CRIM1: variants seen among roughly 807,000 people sequenced by gnomAD.
CRIM1 encodes cysteine rich transmembrane BMP regulator 1, also known as cysteine-rich motor neuron 1 protein.
A neutral mutation model predicts 116.4 loss-of-function variants in CRIM1; 32 were observed. That is an observed-to-expected ratio of 0.27 (90% CI 0.21 to 0.37). The LOEUF is 0.37. Ranked by LOEUF, CRIM1 falls within the 10% of genes least tolerant of loss-of-function variation. The probability of loss-of-function intolerance (pLI) is 1.00; values close to 1 mark genes in which losing one functional copy is unlikely to be tolerated. For missense variants in CRIM1, 1,331 were observed against 1,354.8 expected, an observed-to-expected ratio of 0.98 and a Z score of 0.28; for synonymous variants, 590 against 509.2, an observed-to-expected ratio of 1.16 and a Z score of -2.13.
rs116420949 is a variant in CRIM1, at chr2:36,364,558, A to G, written c.331+7935A>G. ...AAGTTTAGTGGAGGATGCAGCAACA[A>G]GAAAGACCTGAGGGTCTCCTCTCCT... On this transcript the variant is annotated intron_variant, in intron 1 of 16. Coordinates refer to ENST00000280527, the MANE Select transcript of CRIM1 (RefSeq NM_016441.3). Among the ~76,000 whole-genome samples, 840 of 152,332 alleles carry G rather than the reference A, an allele frequency of 5.5e-3. 4 individuals are homozygous for G. Among genetic ancestry groups the G allele is most frequent in the South Asian group, 0.016 (79 of 4,826 alleles).
intron 5 of CRIM1, among the ~76,000 whole-genome samples, chr2:36,472,189 C>G (rs1484704447): frequency 6.6e-6 from 1 of 152,158 alleles, no homozygotes; most frequent in Non-Finnish European, 1.5e-5. Context: ...ATTATTTCTT[C>G]ATAACACTTT....
At chr2:36,425,626 T>C (rs1318504248) in intron 2 of CRIM1, among the ~76,000 whole-genome samples, 1 of 152,202 alleles carries the variant, frequency 6.6e-6, no homozygotes, top group African/African-American at 2.4e-5. Flanking sequence ...TAATTACAAA[T>C]TGAAAAATCC....
chr2:36,445,737 G>A (rs150039840), intron 4 of CRIM1, among the ~76,000 whole-genome samples: 1 of 151,938 alleles, frequency 6.6e-6, no homozygotes, highest in Non-Finnish European at 1.5e-5. Flanking sequence ...GGGATGATAG[G>A]TTGTACATTG....
intron 2 of CRIM1, among the ~76,000 whole-genome samples, chr2:36,427,437 G>A (rs4670557): frequency 0.28 from 42,378 of 151,992 alleles, 6,111 homozygotes; most frequent in South Asian, 0.4. Flanking sequence ...GAGAAGCACT[G>A]TTTGAACTGT....
intron 2 of CRIM1, among the ~76,000 whole-genome samples, chr2:36,406,049 T>TC (rs1295598948): frequency 6.6e-6 from 1 of 152,220 alleles, no homozygotes; most frequent in Middle Eastern, 3.2e-3. Context: ...ATTATATTGA[T>TC]CTCCTGTATG....
chr2:36,372,050 G>C (rs572234251), intron 1 of CRIM1, among the ~76,000 whole-genome samples: 29 of 152,306 alleles, frequency 1.9e-4, no homozygotes, highest in Admixed American at 1.5e-3. Flanking sequence ...TGTTCAATAT[G>C]TGAGTGCCAA....
chr2:36,522,773 G>T (rs1665487132), intron 13 of CRIM1, among the ~76,000 whole-genome samples: 1 of 143,452 alleles, frequency 7.0e-6, no homozygotes, highest in African/African-American at 2.6e-5. Flanking sequence ...CTGCACTCCA[G>T]CCTGGGTGAC....
rs115096745 is a variant in CRIM1, at chr2:36,392,442, T to G, written c.332-4172T>G. Among the ~76,000 whole-genome samples the G allele has an allele frequency of 6.1e-3, 913 of 148,462 alleles. 10 individuals carry two copies. Among genetic ancestry groups the G allele is most frequent in the African/African-American group, 0.022 (877 of 40,658 alleles). ...ATATAGTTAAAAACCAGTACCTCTGTTTTTAACTTTTTTTTTTTCCTGACC... is the reference window on the plus strand; with the variant it reads ...ATATAGTTAAAAACCAGTACCTCTGGTTTTAACTTTTTTTTTTTCCTGACC... On this transcript the variant is annotated intron_variant, in intron 1 of 16. Coordinates refer to ENST00000280527, the MANE Select transcript of CRIM1 (RefSeq NM_016441.3).
intron 4 of CRIM1, among the ~76,000 whole-genome samples, chr2:36,449,467 AG>A (rs897655419): frequency 6.6e-6 from 1 of 152,198 alleles, no homozygotes; most frequent in African/African-American, 2.4e-5. Flanking sequence ...ACCATTCCGT[AG>A]CTAAAGAATA....
At chr2:36,428,284 C>G (rs1256064287) in intron 2 of CRIM1, among the ~76,000 whole-genome samples, 1 of 152,220 alleles carries the variant, frequency 6.6e-6, no homozygotes, top group East Asian at 1.9e-4. Context: ...TTCTAAGTCA[C>G]TGTTTTCTTT....
intron 1 of CRIM1, among the ~76,000 whole-genome samples, chr2:36,387,714 A>C (rs1319322684): frequency 6.6e-6 from 1 of 152,218 alleles, no homozygotes; most frequent in Non-Finnish European, 1.5e-5. Context: ...TAAAACCTCA[A>C]AAGAGAAAGT....
At chr2:36,468,990 T>C (rs2125018958) in intron 5 of CRIM1, among the ~76,000 whole-genome samples, 1 of 152,316 alleles carries the variant, frequency 6.6e-6, no homozygotes, top group South Asian at 2.1e-4. Context: ...AATGAATTAG[T>C]CTATAGTATT....
chr2:36,390,036 A>C (rs563568936), intron 1 of CRIM1, among the ~76,000 whole-genome samples: 8 of 152,106 alleles, frequency 5.3e-5, no homozygotes, highest in African/African-American at 1.9e-4. Context: ...CTTCTCTCCA[A>C]CTAGCCTTTG....
At chr2:36,431,701 T>C (rs1674906467) in intron 2 of CRIM1, among the ~76,000 whole-genome samples, 1 of 152,186 alleles carries the variant, frequency 6.6e-6, no homozygotes, top group Non-Finnish European at 1.5e-5. Context: ...TCGGTCTTCC[T>C]TGAATGAGCA....
intron 7 of CRIM1, 134 bp downstream of exon 7, chr2:36,479,828 T>G: frequency 8.8e-6 from 7 of 795,428 alleles, no homozygotes; most frequent in Non-Finnish European, 1.5e-5. Flanking sequence ...GCCAACAAAT[T>G]TATCAAACAG....
intron 2 of CRIM1, among the ~76,000 whole-genome samples, chr2:36,412,488 C>T (rs1370227874): frequency 6.6e-6 from 1 of 152,160 alleles, no homozygotes. Flanking sequence ...ATATTTGCCA[C>T]ATCTGACAGT....
At chr2:36,462,147 G>C (rs894004211) in intron 4 of CRIM1, among the ~76,000 whole-genome samples, 2 of 152,116 alleles carry the variant, frequency 1.3e-5, no homozygotes, top group Admixed American at 1.3e-4. Flanking sequence ...TGGGTTAATA[G>C]GTGGTTGGGT....
rs1193927107 is a variant in CRIM1 at position 36,517,517 on chromosome 2, G to A, written c.2181G>A (p.Gln727=). Residue 727 remains glutamine (Q), a synonymous_variant, in exon 12 of 17, where the codon CAG becomes CAA. Coordinates refer to ENST00000280527, the MANE Select transcript of CRIM1 (RefSeq NM_016441.3). The part of the protein sequence containing the change: ...PLLCQNPSRT[Q]DSCCPQCTDQ... Reference sequence around the variant, plus strand: ...TCTGCCAGAACCCCTCACGCACCCAGGATTCCTGCTGCCCACAGTGTACAG... The same window carrying A: ...TCTGCCAGAACCCCTCACGCACCCAAGATTCCTGCTGCCCACAGTGTACAG... 6.2e-7 allele frequency: 1 copy of A among 1,613,882 alleles called. No homozygotes were observed. Among genetic ancestry groups the A allele is most frequent in the Non-Finnish European group, 8.5e-7 (1 of 1,179,902 alleles).
chr2:36,462,223 A>G (rs1285439296), intron 4 of CRIM1, among the ~76,000 whole-genome samples: 1 of 152,190 alleles, frequency 6.6e-6, no homozygotes, highest in Non-Finnish European at 1.5e-5. Flanking sequence ...AAAAATAGGA[A>G]TATTTAAATG....
Sources: allele counts gnomAD v4.1 joint callset (sites outside exome capture counted in the v4.1 genomes callset), GRCh38; gene constraint gnomAD v4.1.1; transcripts MANE v1.5; gene names NCBI Gene and HGNC (gene_info 2026-07-23, HGNC 2026-07-21).